Variants in FRAS1 observed in about 807,000 individuals in gnomAD.
The protein encoded by FRAS1 is Fraser extracellular matrix complex subunit 1.
In FRAS1, 290 loss-of-function variants were observed where a neutral mutation model predicts 435.2. That is an observed-to-expected ratio of 0.67 (90% CI 0.61 to 0.73). The LOEUF (loss-of-function observed/expected upper bound fraction) is 0.73. Ranked by LOEUF, FRAS1 falls within the 30% of genes least tolerant of loss-of-function variation. FRAS1 has a pLI of 0.00. For missense variants in FRAS1, 4,860 were observed against 5,001.5 expected (o/e 0.97, Z 0.85); for synonymous variants, 1,800 against 1,851.0 (o/e 0.97, Z 0.71).
chr4:78,533,938 C>T (rs1721801436), intron 70 of FRAS1, among the ~76,000 whole-genome samples: 1 of 152,208 alleles, frequency 6.6e-6, no homozygotes, highest in Non-Finnish European at 1.5e-5. Flanking sequence ...GCCTTGGGAG[C>T]GCTTATCTGC....
Position 78,448,096 on chromosome 4 carries a change from T to C in FRAS1, c.6054T>C (p.Asn2018=), listed in dbSNP as rs1249188732. 1 of 1,613,260 alleles carries C rather than the reference T, an allele frequency of 6.2e-7. No individual in the cohort carries two copies. The highest frequency in any genetic ancestry group is 8.5e-7 in the Non-Finnish European group (1 of 1,179,616). Reference sequence around the variant, plus strand: ...AAACTGCTTCTGAGCCTCTGGAGAATGGGAGAGTTTTAGTCCAGGGCTCAA... The same window carrying C: ...AAACTGCTTCTGAGCCTCTGGAGAACGGGAGAGTTTTAGTCCAGGGCTCAA... The part of the protein sequence containing the change: ...WRQTASEPLE[N]GRVLVQGSTF... The change falls in exon 44 of 74, where the codon AAT becomes AAC. Residue 2018 remains asparagine (N), a synonymous_variant. Transcript: ENST00000512123.
intron 9 of FRAS1, 146 bp from the exon 10 acceptor site, chr4:78,278,509 G>C (rs535910290): frequency 3.3e-5 from 20 of 613,458 alleles, no homozygotes; most frequent in Middle Eastern, 2.6e-4. Context: ...AGACAGGACA[G>C]GGGGAGATGA....
At chr4:78,354,590 T>G (rs1394323303) in intron 20 of FRAS1, among the ~76,000 whole-genome samples, 1 of 152,180 alleles carries the variant, frequency 6.6e-6, no homozygotes, top group Admixed American at 6.5e-5. Context: ...TCTATGCCCT[T>G]TAAAGGCCCT....
chr4:78,488,947 CT>C lies in FRAS1; in HGVS notation c.8826del (p.Arg2943GlyfsTer5), dbSNP rs765082137. 1.2e-6 allele frequency: 2 copies of C among 1,613,634 alleles called. No homozygotes were observed. The highest frequency in any genetic ancestry group is 2.2e-5 in the South Asian group (2 of 91,060). The stretch of plus-strand genomic sequence containing the variant: ...GAGGGTGTCCTGCATGTCCCTATCA[CT>C]CGGAGCGGAGACCTGAGCTATGAGT... ...EKEGVLHVPI[T>X]RSGDLSYESS... On this transcript the variant is annotated frameshift_variant, in exon 59 of 74. Coordinates refer to ENST00000512123, the MANE Select transcript of FRAS1 (RefSeq NM_025074.7). LOFTEE classifies it high-confidence loss of function.
intron 2 of FRAS1, among the ~76,000 whole-genome samples, chr4:78,104,951 T>G (rs1578125909): frequency 6.6e-6 from 1 of 152,244 alleles, no homozygotes; most frequent in East Asian, 1.9e-4. Flanking sequence ...AGCCTAACCT[T>G]GCTTTGTAAA....
chr4:78,082,180 T>C (rs758290613), intron 2 of FRAS1, among the ~76,000 whole-genome samples: 27 of 152,254 alleles, frequency 1.8e-4, no homozygotes, highest in Admixed American at 4.6e-4. Flanking sequence ...CTATAGCAAT[T>C]TGATTCCCAC....
At chr4:78,497,038 T>C (rs1173681153) in intron 60 of FRAS1, 77 bp downstream of exon 60, 2 of 1,228,636 alleles carry the variant, frequency 1.6e-6, no homozygotes, top group Non-Finnish European at 2.3e-6. Context: ...ATTAGTGTTT[T>C]GAAAAATAAA....
chr4:78,087,273 C>T (rs190872569), intron 2 of FRAS1, among the ~76,000 whole-genome samples: 12 of 151,816 alleles, frequency 7.9e-5, no homozygotes, highest in East Asian at 7.7e-4. Flanking sequence ...TGGAGCGTAT[C>T]TCAAAATAAT....
At chr4:78,122,197 A>G (rs138256924) in intron 2 of FRAS1, among the ~76,000 whole-genome samples, 3,181 of 152,094 alleles carry the variant, frequency 0.021, 111 homozygotes, top group African/African-American at 0.073. Context: ...TTATTGTTCA[A>G]TTCCCACTTA....
intron 58 of FRAS1, among the ~76,000 whole-genome samples, chr4:78,487,878 A>G (rs965877050): frequency 6.6e-6 from 1 of 152,210 alleles, no homozygotes; most frequent in Non-Finnish European, 1.5e-5. Context: ...ACTGGTAAGT[A>G]GAAGGGCTGA....
intron 2 of FRAS1, among the ~76,000 whole-genome samples, chr4:78,094,104 G>GTTTTTTT (rs71214395): frequency 9.4e-6 from 1 of 106,612 alleles, no homozygotes; most frequent in African/African-American, 3.4e-5. Context: ...GAATAACCAA[G>GTTTTTTT]TTTTTTTTTT....
intron 22 of FRAS1, among the ~76,000 whole-genome samples, chr4:78,365,989 C>T (rs767124331): frequency 5.6e-4 from 84 of 150,832 alleles, no homozygotes; most frequent in Non-Finnish European, 2.7e-4. Flanking sequence ...AGATTCAACA[C>T]GCTCTATTCT....
At chr4:78,115,463 C>G (rs1389898200) in intron 2 of FRAS1, among the ~76,000 whole-genome samples, 3 of 152,026 alleles carry the variant, frequency 2.0e-5, no homozygotes, top group South Asian at 2.1e-4. Flanking sequence ...TTGTCCTGGA[C>G]TTTTTTTGGT....
intron 61 of FRAS1, among the ~76,000 whole-genome samples, chr4:78,504,464 C>A (rs1277592629): frequency 6.6e-6 from 1 of 152,174 alleles, no homozygotes; most frequent in Non-Finnish European, 1.5e-5. Context: ...ATCCCTTTAC[C>A]ATTATGTAAT....
intron 26 of FRAS1, chr4:78,379,511 C>T (rs1731923822): frequency 1.9e-6 from 1 of 535,686 alleles, no homozygotes; most frequent in East Asian, 3.4e-5. Flanking sequence ...CCGAAGTTCC[C>T]TAGAGCGAGC....
chr4:78,133,246 G>T (rs1052353809), intron 2 of FRAS1, among the ~76,000 whole-genome samples: 1 of 152,158 alleles, frequency 6.6e-6, no homozygotes, highest in Non-Finnish European at 1.5e-5. Flanking sequence ...TCATTATGCG[G>T]TGTAAAATAA....
chr4:78,282,259 T>G (rs1727365355), intron 11 of FRAS1, among the ~76,000 whole-genome samples: 1 of 152,216 alleles, frequency 6.6e-6, no homozygotes, highest in Non-Finnish European at 1.5e-5. Context: ...GTAATTTGCT[T>G]GGCTGAAAAA....
chr4:78,282,938 A>C lies in FRAS1; in HGVS notation c.1226A>C (p.Lys409Thr), dbSNP rs574673735. 2 of 1,606,500 alleles carry C rather than the reference A, an allele frequency of 1.2e-6. No individual in the cohort carries two copies. Among genetic ancestry groups the C allele is most frequent in the East Asian group, 4.5e-5 (2 of 44,542 alleles). ...CPVGTLALEV[K>T]GQCCPDCTSV... Reference sequence around the variant, plus strand: ...GTGGGCACACTGGCCTTAGAGGTGAAGGGACAGTGCTGTCCAGACTGCACA... The same window carrying C: ...GTGGGCACACTGGCCTTAGAGGTGACGGGACAGTGCTGTCCAGACTGCACA... Residue 409 changes from lysine to threonine, a missense_variant, in exon 12 of 74, where the codon AAG becomes ACG. Transcript: ENST00000512123.
At chr4:78,218,294 C>A (rs990034156) in intron 2 of FRAS1, among the ~76,000 whole-genome samples, 1 of 151,418 alleles carries the variant, frequency 6.6e-6, no homozygotes, top group Non-Finnish European at 1.5e-5. Flanking sequence ...AAATACAGCA[C>A]ACTAGGCTAC....
Sources: allele counts gnomAD v4.1 joint callset (sites outside exome capture counted in the v4.1 genomes callset), GRCh38; gene constraint gnomAD v4.1.1; transcripts MANE v1.5; gene names NCBI Gene and HGNC (gene_info 2026-07-23, HGNC 2026-07-21).